The following CSMD1 variants were observed in gnomAD, a reference collection of about 807,000 sequenced individuals.
CSMD1 encodes CUB and sushi domain-containing protein 1.
Under a neutral mutation model 417.5 loss-of-function variants are expected in CSMD1, and 213 were observed. That is an observed-to-expected ratio of 0.51 (90% CI 0.46 to 0.57). CSMD1 has a LOEUF of 0.57. Among genes scored for constraint, CSMD1 ranks in the 20% least tolerant of loss-of-function variants. The pLI is 0.00. For synonymous variants in CSMD1, 2,862 were observed against 1,736.8 expected (o/e 1.65, Z -16.11); for missense variants, 6,923 against 4,529.7 (o/e 1.53, Z -15.17).
chr8:3,493,664 A>G lies in CSMD1; in HGVS notation c.1407T>C (p.Gly469=). The change falls in exon 11 of 70, where the codon GGT becomes GGC. Residue 469 remains glycine (G), a synonymous_variant. Transcript: ENST00000635120. ...LERGYDTLTV[G]DAGKVGDTRS... ...TGGTGTCTCCCACCTTCCCAGCATCACCAACCGTCAGGGTGTCATAGCCTC... is the reference window on the plus strand; with the variant it reads ...TGGTGTCTCCCACCTTCCCAGCATCGCCAACCGTCAGGGTGTCATAGCCTC... 1.2e-6 allele frequency: 2 copies of G among 1,612,328 alleles called. No individual in the cohort carries two copies. The highest frequency in any genetic ancestry group is 1.7e-6 in the Non-Finnish European group (2 of 1,179,286).
intron 1 of CSMD1, among the ~76,000 whole-genome samples, chr8:4,948,977 A>G (rs931491430): frequency 6.6e-6 from 1 of 152,182 alleles, no homozygotes; most frequent in Admixed American, 6.5e-5. Flanking sequence ...GATATAATTT[A>G]TCACTTTAAG....
At chr8:4,742,404 A>C (rs1319641220) in intron 1 of CSMD1, among the ~76,000 whole-genome samples, 1 of 152,112 alleles carries the variant, frequency 6.6e-6, no homozygotes, top group Non-Finnish European at 1.5e-5. Flanking sequence ...TGTTTTAAAA[A>C]TAAATGTCCT....
At chr8:4,067,777 A>G (rs573104611) in intron 3 of CSMD1, among the ~76,000 whole-genome samples, 4 of 152,236 alleles carry the variant, frequency 2.6e-5, no homozygotes, top group Non-Finnish European at 4.4e-5. Context: ...GTTTTCCTGT[A>G]AACAGAATTA....
intron 51 of CSMD1, among the ~76,000 whole-genome samples, chr8:3,019,227 T>C (rs1038320698): frequency 1.3e-5 from 2 of 152,150 alleles, no homozygotes; most frequent in Non-Finnish European, 2.9e-5. Context: ...CCCATTAATG[T>C]TATTTTTATT....
chr8:3,859,299 T>C (rs1040182081), intron 5 of CSMD1, among the ~76,000 whole-genome samples: 2 of 152,366 alleles, frequency 1.3e-5, no homozygotes, highest in Admixed American at 6.5e-5. Flanking sequence ...CACCTATCCA[T>C]GGCAACCTAC....
intron 2 of CSMD1, among the ~76,000 whole-genome samples, chr8:4,484,598 A>T (rs1389396758): frequency 2.0e-5 from 3 of 152,080 alleles, no homozygotes; most frequent in Non-Finnish European, 4.4e-5. Context: ...ATCAACTTGG[A>T]GGGCTGACGT....
chr8:3,997,132 G>A (rs1159843449), intron 5 of CSMD1, among the ~76,000 whole-genome samples: 2 of 152,118 alleles, frequency 1.3e-5, no homozygotes, highest in African/African-American at 2.4e-5. Flanking sequence ...AAGTGTTCAG[G>A]TTTAAAATAA....
Position 4,135,376 on chromosome 8 carries a change from GGGAA to G in CSMD1, c.416-103281_416-103278del, listed in dbSNP as rs1563169169. 8.8e-4 allele frequency among the ~76,000 whole-genome samples: 30 copies of G among 33,996 alleles called. No individual in the cohort carries two copies. In the East Asian group the frequency reaches 0.05, roughly 57 times the overall value. 22.3% of individuals were successfully genotyped at this position (33,996 alleles called of 152,430 possible). A position where few individuals can be genotyped will look rare whatever the true frequency, so the allele number is the denominator to read the frequency against. ...GAAAGGAGGGAAGGAAGGGGAAAGTGGGAAAGAGGGGGAAGGAAGGGGAAAGAGG... is the reference window on the plus strand; with the variant it reads ...GAAAGGAGGGAAGGAAGGGGAAAGTGAGAGGGGGAAGGAAGGGGAAAGAGG... On this transcript the variant is annotated intron_variant, in intron 3 of 69. Transcript: ENST00000635120.
intron 3 of CSMD1, among the ~76,000 whole-genome samples, chr8:4,365,312 T>C (rs971134457): frequency 6.6e-6 from 1 of 152,240 alleles, no homozygotes; most frequent in Non-Finnish European, 1.5e-5. Flanking sequence ...CACCTGATTC[T>C]GAAAACTGTA....
At chr8:4,170,714 A>C (rs561742180) in intron 3 of CSMD1, among the ~76,000 whole-genome samples, 1 of 151,746 alleles carries the variant, frequency 6.6e-6, no homozygotes, top group African/African-American at 2.4e-5. Flanking sequence ...TATAGCTAGC[A>C]TGTGGATTTT....
At chr8:4,143,393 AGACT>A (rs1803913712) in intron 3 of CSMD1, among the ~76,000 whole-genome samples, 1 of 145,986 alleles carries the variant, frequency 6.8e-6, no homozygotes, top group South Asian at 2.1e-4. Flanking sequence ...TTTTTGCTAC[AGACT>A]AAGTTAATTA....
intron 1 of CSMD1, among the ~76,000 whole-genome samples, chr8:4,819,969 T>G (rs1799428584): frequency 6.6e-6 from 1 of 152,198 alleles, no homozygotes; most frequent in Non-Finnish European, 1.5e-5. Context: ...ACTAATTGGT[T>G]TTATTGTAAT....
chr8:4,325,686 C>G (rs1013610936), intron 3 of CSMD1, among the ~76,000 whole-genome samples: 6 of 152,022 alleles, frequency 3.9e-5, no homozygotes, highest in Non-Finnish European at 7.4e-5. Context: ...GGCCAGAAAG[C>G]GAGATGCAGG....
intron 3 of CSMD1, among the ~76,000 whole-genome samples, chr8:4,089,735 G>C (rs756469470): frequency 6.6e-6 from 1 of 152,094 alleles, no homozygotes; most frequent in Non-Finnish European, 1.5e-5. Flanking sequence ...AATTATTATT[G>C]ACACAACATC....
chr8:3,714,395 T>C (rs1405599673), intron 6 of CSMD1, among the ~76,000 whole-genome samples: 1 of 150,670 alleles, frequency 6.6e-6, no homozygotes, highest in East Asian at 1.9e-4. Context: ...AATTCCATCA[T>C]ATATATTAAC....
intron 1 of CSMD1, among the ~76,000 whole-genome samples, chr8:4,836,903 G>C (rs1009664391): frequency 6.6e-6 from 1 of 152,098 alleles, no homozygotes; most frequent in African/African-American, 2.4e-5. Context: ...CTGAGGCTAT[G>C]GTTGCTGCTG....
intron 3 of CSMD1, among the ~76,000 whole-genome samples, chr8:4,089,884 G>T (rs1336398587): frequency 5.9e-5 from 9 of 152,152 alleles, no homozygotes; most frequent in African/African-American, 1.9e-4. Flanking sequence ...TACCTGCAGA[G>T]CTGTGGGGTC....
At chr8:3,666,474 G>A (rs925282795) in intron 7 of CSMD1, among the ~76,000 whole-genome samples, 2 of 128,354 alleles carry the variant, frequency 1.6e-5, no homozygotes, top group African/African-American at 2.9e-5. Context: ...GATCCTTGCT[G>A]TTAACATGCA....
Position 3,854,028 on chromosome 8 carries a change from A to G in CSMD1, c.819-99986T>C, listed in dbSNP as rs915118122. Among the ~76,000 whole-genome samples the G allele has an allele frequency of 5.3e-4, 78 of 146,098 alleles. 1 individual carries two copies. Among genetic ancestry groups the G allele is most frequent in the African/African-American group, 1.8e-3 (72 of 40,450 alleles). ...ATAACATATAAAATATTATAAATAT[A>G]TTAAATATAATATACTAAAGTATAT... is the stretch of plus-strand genomic sequence containing the variant. On this transcript the variant is annotated intron_variant, in intron 5 of 69. Coordinates refer to ENST00000635120, the MANE Select transcript of CSMD1 (RefSeq NM_033225.6).
Sources: gnomAD v4.1 joint callset for allele counts (sites outside exome capture counted in the v4.1 genomes callset) on GRCh38, gnomAD v4.1.1 for gene constraint, MANE v1.5 for transcripts, NCBI Gene and HGNC (gene_info 2026-07-23, HGNC 2026-07-21) for gene names.